TRPC6: variants seen among roughly 807,000 people sequenced by gnomAD.
TRPC6 encodes transient receptor potential cation channel subfamily C member 6.
Under a neutral mutation model 90.7 loss-of-function variants are expected in TRPC6, and 55 were observed. The ratio of observed to expected loss-of-function variants is 0.61; its 90% confidence interval spans 0.49 to 0.76. TRPC6 has a LOEUF of 0.76. TRPC6 is among the 30% of genes least tolerant of loss of function. The pLI is 0.00. For synonymous variants in TRPC6, 393 were observed against 393.0 expected, an observed-to-expected ratio of 1.00 and a Z score of 0.00; for missense variants, 989 against 1,122.7, an observed-to-expected ratio of 0.88 and a Z score of 1.70.
intron 1 of TRPC6, among the ~76,000 whole-genome samples, chr11:101,533,056 A>G (rs1448379047): frequency 6.6e-6 from 1 of 152,188 alleles, no homozygotes; most frequent in Non-Finnish European, 1.5e-5. Context: ...TGGAGGAAGC[A>G]CTTAGAAAAA....
chr11:101,493,358 TC>T (rs1381656575), intron 2 of TRPC6, among the ~76,000 whole-genome samples: 5 of 152,180 alleles, frequency 3.3e-5, no homozygotes, highest in Admixed American at 3.3e-4. Flanking sequence ...AACCCACATG[TC>T]CTTGGGGTGT....
At chr11:101,537,138 T>G (rs10895131) in intron 1 of TRPC6, among the ~76,000 whole-genome samples, 1 of 152,166 alleles carries the variant, frequency 6.6e-6, no homozygotes, top group East Asian at 1.9e-4. Flanking sequence ...AACCGCACTT[T>G]GTTTAGAAAA....
chr11:101,491,410 G>A (rs561636402), intron 3 of TRPC6, 146 bp downstream of exon 3: 5 of 1,043,186 alleles, frequency 4.8e-6, no homozygotes, highest in Non-Finnish European at 6.8e-6. Flanking sequence ...CTCCAGACTG[G>A]GCGACAGAGC....
At chr11:101,571,509 G>GC (rs1351594969) in intron 1 of TRPC6, among the ~76,000 whole-genome samples, 1 of 152,084 alleles carries the variant, frequency 6.6e-6, no homozygotes, top group Non-Finnish European at 1.5e-5. Flanking sequence ...CACAGAATTG[G>GC]AAAAAACTAA....
At chr11:101,500,210 C>CTTTTTTTTTTTTTTTTTTTTTTT (rs373591780) in intron 2 of TRPC6, among the ~76,000 whole-genome samples, 1 of 137,710 alleles carries the variant, frequency 7.3e-6, no homozygotes, top group Non-Finnish European at 1.5e-5. Flanking sequence ...TATTTTTTTT[C>CTTTTTTTTTTTTTTTTTTTTTTT]TTTCTTTTTT....
chr11:101,496,644 G>A (rs191927268), intron 2 of TRPC6, among the ~76,000 whole-genome samples: 1 of 152,262 alleles, frequency 6.6e-6, no homozygotes, highest in African/African-American at 2.4e-5. Flanking sequence ...TATAATGTCT[G>A]GTTAGCTTTT....
intron 1 of TRPC6, among the ~76,000 whole-genome samples, chr11:101,536,404 C>G (rs555009197): frequency 2.0e-5 from 3 of 149,532 alleles, no homozygotes; most frequent in Non-Finnish European, 4.5e-5. Flanking sequence ...CTCCCTCCCC[C>G]CCACCAAAAA....
At chr11:101,501,240 A>G (rs1235438277) in intron 2 of TRPC6, among the ~76,000 whole-genome samples, 1 of 148,958 alleles carries the variant, frequency 6.7e-6, no homozygotes, top group East Asian at 2.0e-4. Flanking sequence ...CTGAGACTCT[A>G]AGGGAGTTGA....
intron 11 of TRPC6, among the ~76,000 whole-genome samples, chr11:101,454,451 TTCA>T (rs1369912689): frequency 1.3e-5 from 2 of 152,014 alleles, no homozygotes; most frequent in African/African-American, 2.4e-5. Context: ...ACTTTAAATG[TTCA>T]TCAGTAAGGA....
rs200066139 is a variant in TRPC6 at position 101,504,275 on chromosome 11, A to G, written c.694T>C (p.Tyr232His). 6.2e-6 allele frequency: 10 copies of G among 1,613,190 alleles called. No individual in the cohort carries two copies. The highest frequency in any genetic ancestry group is 8.5e-6 in the Non-Finnish European group (10 of 1,179,166). ...PIILAAHCQE[Y>H]EIVHTLLRKG... The stretch of plus-strand genomic sequence containing the variant: ...CGCAGGAGGGTATGCACAATTTCAT[A>G]TTCCTGGCAGTGGGCAGCCAGAATG... Residue 232 changes from tyrosine (Y) to histidine (H), a missense_variant, in exon 2 of 13, where the codon TAT (tyrosine) becomes CAT (histidine). Physicochemically the swap from Tyr to His is moderately conservative, Grantham distance 83. Transcript: ENST00000344327.
intron 3 of TRPC6, 110 bp downstream of exon 3, chr11:101,491,446 A>AT: frequency 7.3e-7 from 1 of 1,376,314 alleles, no homozygotes; most frequent in Non-Finnish European, 1.0e-6. Flanking sequence ...AAAAAAAAAA[A>AT]GAGAAAAGAA....
chr11:101,529,421 G>A (rs1860857714), intron 1 of TRPC6, among the ~76,000 whole-genome samples: 1 of 152,192 alleles, frequency 6.6e-6, no homozygotes, highest in African/African-American at 2.4e-5. Context: ...AAATTGCCTA[G>A]ATAAAAGCAC....
chr11:101,557,319 C>A (rs896793809), intron 1 of TRPC6, among the ~76,000 whole-genome samples: 4 of 152,180 alleles, frequency 2.6e-5, no homozygotes, highest in Non-Finnish European at 2.9e-5. Context: ...TGTGCCACTG[C>A]ACTCCAGCCT....
intron 1 of TRPC6, among the ~76,000 whole-genome samples, chr11:101,557,900 A>T (rs1337915428): frequency 1.3e-5 from 2 of 152,302 alleles, no homozygotes; most frequent in Middle Eastern, 3.4e-3. Context: ...TTCCATGTTC[A>T]TAGATTACAA....
intron 10 of TRPC6, among the ~76,000 whole-genome samples, chr11:101,460,392 T>G (rs537752644): frequency 6.6e-6 from 1 of 152,346 alleles, no homozygotes; most frequent in African/African-American, 2.4e-5. Context: ...CAATGCTCGA[T>G]ATAATTTTAT....
chr11:101,468,124 C>A (rs1336935271), intron 10 of TRPC6, among the ~76,000 whole-genome samples: 3 of 152,214 alleles, frequency 2.0e-5, no homozygotes, highest in Non-Finnish European at 2.9e-5. Flanking sequence ...TCAGCCCATG[C>A]GGCCCCATTG....
rs1861645576 is a variant in TRPC6 at position 101,558,635 on chromosome 11, G to C, written c.170+24699C>G. ...TGCAATCACAGCTCACTGCAGCCTT[G>C]ACCTCCCAGGCTCAAGCAATTCTGC... On this transcript the variant is annotated intron_variant, in intron 1 of 12. Coordinates refer to ENST00000344327, the MANE Select transcript of TRPC6 (RefSeq NM_004621.6). Among the ~76,000 whole-genome samples, 7 of 151,826 alleles carry C rather than the reference G, an allele frequency of 4.6e-5. No individual in the cohort carries two copies. The South Asian group carries it at 1.5e-3, about 32-fold the overall frequency.
chr11:101,533,926 T>C (rs996048078), intron 1 of TRPC6, among the ~76,000 whole-genome samples: 6 of 152,130 alleles, frequency 3.9e-5, no homozygotes, highest in Non-Finnish European at 8.8e-5. Flanking sequence ...CTGATGATCA[T>C]CCACTCCTGT....
intron 4 of TRPC6, among the ~76,000 whole-genome samples, chr11:101,486,840 C>T (rs1014797156): frequency 6.6e-6 from 1 of 152,046 alleles, no homozygotes; most frequent in African/African-American, 2.4e-5. Flanking sequence ...AATCCTGTGG[C>T]CTGTAAAGCA....
Sources: allele counts gnomAD v4.1 joint callset (sites outside exome capture counted in the v4.1 genomes callset), GRCh38; gene constraint gnomAD v4.1.1; transcripts MANE v1.5; gene names NCBI Gene and HGNC (gene_info 2026-07-23, HGNC 2026-07-21).